The following CADPS2 variants were observed in gnomAD, a reference collection of about 807,000 sequenced individuals.
CADPS2 encodes the protein calcium-dependent secretion activator 2.
CADPS2 carries 93 observed loss-of-function variants against 172.5 expected under a neutral mutation model. That is an observed-to-expected ratio of 0.54 (90% confidence interval 0.46 to 0.64). The LOEUF is 0.64. Ranked by LOEUF, CADPS2 falls within the 30% of genes least tolerant of loss-of-function variation. CADPS2 has a pLI of 0.00. For synonymous variants in CADPS2, 546 were observed against 555.2 expected (o/e 0.98, Z 0.23); for missense variants, 1,420 against 1,565.9 (o/e 0.91, Z 1.57).
At chr7:122,400,553 T>C (rs1442696489) in intron 20 of CADPS2, among the ~76,000 whole-genome samples, 1 of 152,208 alleles carries the variant, frequency 6.6e-6, no homozygotes, top group Non-Finnish European at 1.5e-5. Flanking sequence ...TCCTTGCTTT[T>C]ATATTTCATT....
rs140329176 is a variant in CADPS2 at position 122,698,699 on chromosome 7, C to T, written c.454-35130G>A. The T allele has an allele frequency of 1.6e-5, 26 of 1,613,598 alleles. No homozygotes were observed. In the African/African-American group the frequency reaches 3.1e-4, roughly 19 times the overall value. ...ATTTTTCCCTCTGGTGGCACTATAA[C>T]TCCTGCCACTCTCTTCAAAGTGGAG... On this transcript the variant is annotated intron_variant, in intron 2 of 29. Coordinates refer to ENST00000449022, the MANE Select transcript of CADPS2 (RefSeq NM_017954.11).
At chr7:122,822,072 A>C (rs1803467460) in intron 1 of CADPS2, among the ~76,000 whole-genome samples, 1 of 151,850 alleles carries the variant, frequency 6.6e-6, no homozygotes, top group Admixed American at 6.6e-5. Flanking sequence ...CTGCCGGTTT[A>C]CACTGTTTTT....
intron 5 of CADPS2, among the ~76,000 whole-genome samples, chr7:122,617,752 A>G (rs1382292704): frequency 6.6e-6 from 1 of 152,200 alleles, no homozygotes; most frequent in Non-Finnish European, 1.5e-5. Flanking sequence ...AGTCTAAAAA[A>G]TCAACTATAA....
rs75648327 is a variant in CADPS2 at position 122,767,337 on chromosome 7, A to G, written c.340-30269T>C. 2.2e-3 allele frequency among the ~76,000 whole-genome samples: 336 copies of G among 152,248 alleles called. 4 individuals are homozygous for G. Among genetic ancestry groups the G allele is most frequent in the African/African-American group, 7.8e-3 (325 of 41,550 alleles). On this transcript the variant is annotated intron_variant, in intron 1 of 29. Transcript: ENST00000449022. ...AGGTGAGAACACATTTCAGAAGTTAAAGAAACTGCCCATGCAGATAAGTGA... is the reference window on the plus strand; with the variant it reads ...AGGTGAGAACACATTTCAGAAGTTAGAGAAACTGCCCATGCAGATAAGTGA...
intron 23 of CADPS2, among the ~76,000 whole-genome samples, chr7:122,388,196 C>A (rs1048948912): frequency 1.3e-5 from 2 of 151,972 alleles, no homozygotes; most frequent in Non-Finnish European, 1.5e-5. Context: ...TTTGAGTTTA[C>A]TATGCCATTT....
intron 1 of CADPS2, among the ~76,000 whole-genome samples, chr7:122,784,634 C>A (rs978189965): frequency 1.2e-4 from 18 of 152,114 alleles, no homozygotes; most frequent in Admixed American, 3.3e-4. Flanking sequence ...TGTGTGGATG[C>A]CCCATCTTCC....
At chr7:122,635,138 A>G (rs2076941521) in intron 3 of CADPS2, among the ~76,000 whole-genome samples, 1 of 152,156 alleles carries the variant, frequency 6.6e-6, no homozygotes, top group African/African-American at 2.4e-5. Context: ...TGTTAGATAG[A>G]GTATTCTGTA....
At chr7:122,391,768 G>A (rs1001952604) in intron 22 of CADPS2, among the ~76,000 whole-genome samples, 3 of 152,076 alleles carry the variant, frequency 2.0e-5, no homozygotes, top group African/African-American at 7.2e-5. Flanking sequence ...TTTCTTGATT[G>A]TGTGCATACC....
At chr7:122,707,598 C>CATTTATTTTTTTTGCAAAAT (rs1564131988) in intron 2 of CADPS2, among the ~76,000 whole-genome samples, 1 of 151,884 alleles carries the variant, frequency 6.6e-6, no homozygotes, top group Non-Finnish European at 1.5e-5. Context: ...ATTCAAAAAA[C>CATTTATTTTTTTTGCAAAAT]ATTTATTTTG....
intron 1 of CADPS2, among the ~76,000 whole-genome samples, chr7:122,839,407 A>G (rs1333958586): frequency 6.6e-6 from 1 of 152,228 alleles, no homozygotes; most frequent in Non-Finnish European, 1.5e-5. Context: ...AGCAATGGCA[A>G]CAAAAGCCAA....
At chr7:122,462,808 T>C (rs1224627879) in intron 14 of CADPS2, among the ~76,000 whole-genome samples, 1 of 152,140 alleles carries the variant, frequency 6.6e-6, no homozygotes, top group Non-Finnish European at 1.5e-5. Context: ...CTAACAATCT[T>C]AAGCTTGAAC....
chr7:122,637,068 G>A (rs555959529), intron 3 of CADPS2, among the ~76,000 whole-genome samples: 9 of 143,922 alleles, frequency 6.3e-5, no homozygotes, highest in Admixed American at 2.8e-4. Flanking sequence ...TTTTCTTTTT[G>A]TCTGACAAAG....
chr7:122,836,617 G>A (rs1055048342), intron 1 of CADPS2, among the ~76,000 whole-genome samples: 1 of 151,988 alleles, frequency 6.6e-6, no homozygotes, highest in African/African-American at 2.4e-5. Context: ...AAAAAGGAAG[G>A]GGTTGCAATC....
intron 25 of CADPS2, among the ~76,000 whole-genome samples, chr7:122,375,449 G>A (rs896652793): frequency 1.3e-5 from 2 of 151,978 alleles, no homozygotes; most frequent in Non-Finnish European, 2.9e-5. Context: ...CACACATACG[G>A]TCAACTGATC....
At chr7:122,354,280 A>G (rs2039071057) in intron 27 of CADPS2, 1 of 152,184 alleles carries the variant, frequency 6.6e-6, no homozygotes, top group Admixed American at 6.5e-5. Flanking sequence ...ACTGCTTAAC[A>G]TATTCACAAT....
rs566053989 is a variant in CADPS2, at chr7:122,319,382, T to C, written c.*783A>G. 6.6e-6 allele frequency: 1 copy of C among 152,304 alleles called. No individual in the cohort carries two copies. The highest frequency in any genetic ancestry group is 1.9e-4 in the East Asian group (1 of 5,184). 9.4% of individuals were successfully genotyped at this position (152,304 alleles called of 1,614,324 possible). A position where few individuals can be genotyped will look rare whatever the true frequency, so the allele number is the denominator to read the frequency against. The stretch of plus-strand genomic sequence containing the variant: ...CTGCATTTGCTCTATATAAGTCTAA[T>C]AAATACAGAAGTAGTTATGAGCAAA... On this transcript the variant is annotated 3_prime_UTR_variant, in exon 30 of 30. Transcript: ENST00000449022.
intron 1 of CADPS2, among the ~76,000 whole-genome samples, chr7:122,743,579 C>T (rs2092592282): frequency 1.3e-5 from 2 of 152,084 alleles, no homozygotes; most frequent in African/African-American, 4.8e-5. Flanking sequence ...CTTGTGGGTC[C>T]CTCCAGGATT....
intron 27 of CADPS2, among the ~76,000 whole-genome samples, chr7:122,346,265 G>C (rs144724878): frequency 6.6e-6 from 1 of 152,294 alleles, no homozygotes; most frequent in East Asian, 1.9e-4. Flanking sequence ...CTAGCCAGGA[G>C]GGTGAGGCAG....
At chr7:122,873,115 T>C (rs1820218086) in intron 1 of CADPS2, among the ~76,000 whole-genome samples, 1 of 152,148 alleles carries the variant, frequency 6.6e-6, no homozygotes, top group Admixed American at 6.6e-5. Flanking sequence ...ACCCACCTAC[T>C]GTACTTGGCA....
Sources: gnomAD v4.1 joint callset for allele counts (sites outside exome capture counted in the v4.1 genomes callset) on GRCh38, gnomAD v4.1.1 for gene constraint, MANE v1.5 for transcripts, NCBI Gene and HGNC (gene_info 2026-07-23, HGNC 2026-07-21) for gene names.